Variants in SRFBP1 observed in about 807,000 individuals in gnomAD.
SRFBP1 encodes the protein serum response factor binding protein 1.
SRFBP1 carries 47 observed loss-of-function variants against 45.5 expected under a neutral mutation model. The observed-to-expected ratio is 1.03, with a 90% CI of 0.82 to 1.32. The LOEUF (loss-of-function observed/expected upper bound fraction) is 1.32. SRFBP1 is among the 40% of genes most tolerant of loss of function. The pLI is 0.00. For missense variants in SRFBP1, 621 were observed against 484.6 expected (o/e 1.28, Z -2.64); for synonymous variants, 203 against 166.3 (o/e 1.22, Z -1.70).
intron 2 of SRFBP1, among the ~76,000 whole-genome samples, chr5:122,068,951 G>T (rs1561416573): frequency 6.6e-6 from 1 of 151,980 alleles, no homozygotes; most frequent in African/African-American, 2.4e-5. Context: ...TCGGGGGTTG[G>T]TTCTACTATA....
intron 4 of SRFBP1, among the ~76,000 whole-genome samples, chr5:122,001,294 T>C (rs1040273911): frequency 7.3e-5 from 11 of 151,376 alleles, no homozygotes; most frequent in Non-Finnish European, 1.3e-4. Flanking sequence ...AACAGATTGG[T>C]AGCTAAATAC....
At chr5:122,060,990 A>T (rs74597788) in intron 2 of SRFBP1, among the ~76,000 whole-genome samples, 7,272 of 152,170 alleles carry the variant, frequency 0.048, 196 homozygotes, top group African/African-American at 0.055. Context: ...CCAACCCAAC[A>T]ATAAATCAGT....
At chr5:122,016,563 A>G (rs568637478) in intron 4 of SRFBP1, among the ~76,000 whole-genome samples, 26 of 152,202 alleles carry the variant, frequency 1.7e-4, no homozygotes, top group Middle Eastern at 3.4e-3. Context: ...CTATTTTCAT[A>G]TATTGTTTTC....
At chr5:122,062,167 TA>T (rs1292023108) in intron 2 of SRFBP1, among the ~76,000 whole-genome samples, 1 of 151,974 alleles carries the variant, frequency 6.6e-6, no homozygotes, top group Non-Finnish European at 1.5e-5. Flanking sequence ...CATACTTACT[TA>T]ATATTGGATT....
intron 2 of SRFBP1, among the ~76,000 whole-genome samples, chr5:122,060,996 T>A (rs1175603987): frequency 6.6e-6 from 1 of 151,988 alleles, no homozygotes; most frequent in Non-Finnish European, 1.5e-5. Flanking sequence ...CAACAATAAA[T>A]CAGTTTAAAA....
At chr5:122,066,505 C>G in intron 2 of SRFBP1, 1 of 426,148 alleles carries the variant, frequency 2.3e-6, no homozygotes, top group Non-Finnish European at 4.2e-6. Context: ...AATTGAAACA[C>G]TGTGTTAATT....
At chr5:122,023,683 T>C (rs1173868184) in intron 7 of SRFBP1, among the ~76,000 whole-genome samples, 1 of 152,168 alleles carries the variant, frequency 6.6e-6, no homozygotes, top group African/African-American at 2.4e-5. Context: ...ACATGATCTC[T>C]TTGGAGTTTG....
chr5:122,023,218 A>G lies in SRFBP1; in HGVS notation c.1105+811A>G, dbSNP rs148559440. On this transcript the variant is annotated intron_variant, in intron 7 of 7. Transcript: ENST00000339397. ...AGAGGAAGTGGAATTTCGTGAACAC[A>G]TAACTTTTTCTTCCAGTGACCAGAC... Among the ~76,000 whole-genome samples, 325 of 152,322 alleles carry G rather than the reference A, an allele frequency of 2.1e-3. 3 individuals carry two copies. The highest frequency in any genetic ancestry group is 7.4e-3 in the African/African-American group (306 of 41,570).
intron 2 of SRFBP1, among the ~76,000 whole-genome samples, chr5:122,039,339 C>T (rs556664273): frequency 6.6e-6 from 1 of 152,236 alleles, no homozygotes; most frequent in East Asian, 1.9e-4. Flanking sequence ...CTGGATGGAA[C>T]TTTGAATTGC....
intron 3 of SRFBP1, among the ~76,000 whole-genome samples, chr5:121,989,678 C>T (rs984044551): frequency 6.6e-6 from 1 of 152,172 alleles, no homozygotes; most frequent in East Asian, 1.9e-4. Context: ...TCAGAAAGAG[C>T]AAGGTTGTAT....
intron 2 of SRFBP1, among the ~76,000 whole-genome samples, chr5:122,067,337 T>C (rs1263218178): frequency 6.6e-6 from 1 of 152,058 alleles, no homozygotes; most frequent in East Asian, 1.9e-4. Flanking sequence ...ATCTTATAAC[T>C]GAAAGAAGCC....
At chr5:122,040,428 A>C (rs1480707650) in intron 2 of SRFBP1, among the ~76,000 whole-genome samples, 1 of 152,196 alleles carries the variant, frequency 6.6e-6, no homozygotes, top group African/African-American at 2.4e-5. Flanking sequence ...TTTGAAAGAA[A>C]GTCATTCTCC....
At chr5:122,047,322 G>C (rs1376350855) in intron 2 of SRFBP1, among the ~76,000 whole-genome samples, 4 of 152,146 alleles carry the variant, frequency 2.6e-5, no homozygotes, top group African/African-American at 4.8e-5. Context: ...CCCATTGCTT[G>C]TTTTTGTCAG....
chr5:122,036,671 G>T (rs1238542525), intron 2 of SRFBP1, among the ~76,000 whole-genome samples: 1 of 152,126 alleles, frequency 6.6e-6, no homozygotes, highest in Non-Finnish European at 1.5e-5. Flanking sequence ...GGCTCAATGT[G>T]AGCTTCCCTG....
At chr5:122,066,374 G>A (rs1754297871) in intron 2 of SRFBP1, 1 of 194,140 alleles carries the variant, frequency 5.2e-6, no homozygotes, top group African/African-American at 2.3e-5. Flanking sequence ...CTTTAGAAAA[G>A]TTTCAGTTCA....
At chr5:122,011,361 G>C (rs1303337218) in intron 4 of SRFBP1, among the ~76,000 whole-genome samples, 1 of 152,044 alleles carries the variant, frequency 6.6e-6, no homozygotes, top group Non-Finnish European at 1.5e-5. Flanking sequence ...GAAAACCACA[G>C]TTTCCAGAGA....
chr5:121,995,203 G>A (rs576233415), intron 4 of SRFBP1, among the ~76,000 whole-genome samples: 5 of 151,720 alleles, frequency 3.3e-5, no homozygotes, highest in African/African-American at 1.2e-4. Context: ...CAAATCAACA[G>A]AATATACATT....
chr5:122,022,404 C>G lies in SRFBP1; in HGVS notation c.1102C>G (p.Leu368Val), dbSNP rs760278952. 4 of 1,611,162 alleles carry G rather than the reference C, an allele frequency of 2.5e-6. No individual in the cohort carries two copies. The highest frequency in any genetic ancestry group is 3.4e-6 in the Non-Finnish European group (4 of 1,178,862). ...FKEQAPKTRS[L>V]DFPQNEPQIK... ...AGAACAGGCTCCAAAAACAAGATCC[C>G]TAGGTATGTATTCATAGTTGCCTGA... The change falls in exon 7 of 8, where the codon CTA becomes GTA. Residue 368 changes from leucine to valine, a missense_variant. Coordinates refer to ENST00000339397, the MANE Select transcript of SRFBP1 (RefSeq NM_152546.3).
At chr5:122,000,858 A>C (rs140115534) in intron 4 of SRFBP1, among the ~76,000 whole-genome samples, 6 of 152,038 alleles carry the variant, frequency 3.9e-5, no homozygotes, top group African/African-American at 1.4e-4. Flanking sequence ...ATTTTGCATT[A>C]ATTTTTATGA....
Sources: allele counts gnomAD v4.1 joint callset (sites outside exome capture counted in the v4.1 genomes callset), GRCh38; gene constraint gnomAD v4.1.1; transcripts MANE v1.5; gene names NCBI Gene and HGNC (gene_info 2026-07-23, HGNC 2026-07-21).